The following NAALADL2 variants were observed in gnomAD, a reference collection of about 807,000 sequenced individuals.
NAALADL2 encodes the protein inactive N-acetylated-alpha-linked acidic dipeptidase-like protein 2.
A neutral mutation model predicts 87.2 loss-of-function variants in NAALADL2; 76 were observed. That is an observed-to-expected ratio of 0.87 (90% CI 0.72 to 1.05). The LOEUF is 1.05. Ranked by LOEUF, NAALADL2 falls within the 50% of genes least tolerant of loss-of-function variation. NAALADL2 has a pLI of 0.00. For missense variants in NAALADL2, 1,089 were observed against 945.8 expected (o/e 1.15, Z -1.99); for synonymous variants, 354 against 331.0 (o/e 1.07, Z -0.75).
chr3:174,838,121 A>G (rs900193314), intron 3 of NAALADL2, among the ~76,000 whole-genome samples: 1 of 152,110 alleles, frequency 6.6e-6, no homozygotes, highest in Non-Finnish European at 1.5e-5. Flanking sequence ...AGAATCCAAC[A>G]ACGTATCAAA....
intron 3 of NAALADL2, among the ~76,000 whole-genome samples, chr3:174,752,613 T>A (rs539551663): frequency 6.6e-6 from 1 of 152,194 alleles, no homozygotes; most frequent in Non-Finnish European, 1.5e-5. Flanking sequence ...ATAACCAGCT[T>A]TCAGTTTTCT....
chr3:175,202,085 A>G (rs1202849346), intron 2 of NAALADL2, among the ~76,000 whole-genome samples: 1 of 152,140 alleles, frequency 6.6e-6, no homozygotes, highest in East Asian at 1.9e-4. Flanking sequence ...AGGCACAGAC[A>G]CTTAACAGTC....
chr3:175,591,424 G>A (rs1466309843), intron 10 of NAALADL2, among the ~76,000 whole-genome samples: 1 of 151,774 alleles, frequency 6.6e-6, no homozygotes, highest in Admixed American at 6.6e-5. Context: ...AGGAACAAAT[G>A]TGGTTTGTTA....
chr3:175,689,596 C>G (rs191067717), intron 11 of NAALADL2, among the ~76,000 whole-genome samples: 2 of 152,236 alleles, frequency 1.3e-5, no homozygotes, highest in Non-Finnish European at 1.5e-5. Context: ...AGTAGTATTC[C>G]TCCTCAGCCA....
intron 1 of NAALADL2, among the ~76,000 whole-genome samples, chr3:175,010,122 A>C (rs1749586054): frequency 6.6e-6 from 1 of 151,812 alleles, no homozygotes; most frequent in African/African-American, 2.4e-5. Context: ...ACAAAATATT[A>C]TTATAATCTA....
At chr3:174,456,437 C>CAAAAA (rs1715841087) in intron 1 of NAALADL2, among the ~76,000 whole-genome samples, 1 of 103,472 alleles carries the variant, frequency 9.7e-6, no homozygotes, top group East Asian at 3.9e-4. Flanking sequence ...AAAAAAAAAT[C>CAAAAA]AGGAAGCATC....
At chr3:174,797,298 CTTTTTTCTTTTTTTTTTT>C (rs1399307603) in intron 3 of NAALADL2, among the ~76,000 whole-genome samples, 3 of 97,728 alleles carry the variant, frequency 3.1e-5, no homozygotes, top group Admixed American at 1.0e-4. Flanking sequence ...TTTTGTTTTT[CTTTTTTCTTTTTTTTTTT>C]TTTTTTTTTT....
intron 6 of NAALADL2, among the ~76,000 whole-genome samples, chr3:175,448,119 A>G (rs562318744): frequency 1.2e-4 from 18 of 152,368 alleles, no homozygotes; most frequent in Non-Finnish European, 2.5e-4. Context: ...CATACAAAAA[A>G]GAAAATATGT....
intron 3 of NAALADL2, among the ~76,000 whole-genome samples, chr3:175,240,625 CAG>C (rs1240474185): frequency 1.3e-5 from 2 of 152,098 alleles, no homozygotes; most frequent in African/African-American, 4.8e-5. Context: ...CTCACCAACA[CAG>C]AAATGTGAAC....
intron 5 of NAALADL2, among the ~76,000 whole-genome samples, chr3:175,427,606 G>T (rs559187016): frequency 6.6e-6 from 1 of 152,242 alleles, no homozygotes; most frequent in South Asian, 2.1e-4. Context: ...AATTTAGTTG[G>T]AATTCATAAC....
At chr3:174,674,117 G>T (rs9833824) in intron 2 of NAALADL2, among the ~76,000 whole-genome samples, 6,346 of 152,012 alleles carry the variant, frequency 0.042, 474 homozygotes, top group African/African-American at 0.14. Context: ...TTAACTCATA[G>T]TGGAAGGAGA....
chr3:174,629,032 G>C (rs60660228), intron 2 of NAALADL2, among the ~76,000 whole-genome samples: 14 of 152,106 alleles, frequency 9.2e-5, no homozygotes, highest in Non-Finnish European at 1.5e-4. Context: ...GTTTAGTCCT[G>C]CTAAATAAAA....
At chr3:175,285,251 G>C (rs1754839391) in intron 4 of NAALADL2, among the ~76,000 whole-genome samples, 1 of 152,000 alleles carries the variant, frequency 6.6e-6, no homozygotes, top group South Asian at 2.1e-4. Context: ...CAGAAATATT[G>C]GTTACTTGTT....
At chr3:175,428,553 C>G (rs1717213893) in intron 5 of NAALADL2, among the ~76,000 whole-genome samples, 1 of 152,040 alleles carries the variant, frequency 6.6e-6, no homozygotes, top group African/African-American at 2.4e-5. Flanking sequence ...TTTCCTGGCA[C>G]TCTCAATCTA....
intron 2 of NAALADL2, among the ~76,000 whole-genome samples, chr3:175,174,795 ATG>A (rs767210969): frequency 2.0e-4 from 26 of 131,274 alleles, no homozygotes; most frequent in African/African-American, 4.5e-4. Flanking sequence ...GTGTATATAT[ATG>A]TGTGTGTGTG....
intron 3 of NAALADL2, among the ~76,000 whole-genome samples, chr3:174,751,610 C>A (rs1233821339): frequency 6.8e-6 from 1 of 147,312 alleles, no homozygotes; most frequent in Non-Finnish European, 1.5e-5. Flanking sequence ...TTGCAGTGAG[C>A]CGAGATCGTG....
chr3:175,800,808 T>G (rs552134591), intron 13 of NAALADL2, among the ~76,000 whole-genome samples: 1 of 152,284 alleles, frequency 6.6e-6, no homozygotes, highest in African/African-American at 2.4e-5. Flanking sequence ...AGAAGTAACA[T>G]GTTCTTCACT....
intron 13 of NAALADL2, among the ~76,000 whole-genome samples, chr3:175,780,111 A>G (rs1750824077): frequency 6.7e-6 from 1 of 148,224 alleles, no homozygotes; most frequent in African/African-American, 2.6e-5. Flanking sequence ...TACTAAAAAT[A>G]CAAAAAAAAA....
In NAALADL2 at chr3:175,095,368, A is replaced by G. The variant is rs181035352; in HGVS notation, c.44-1422A>G. ...TGTCTCTCTGATTTGATGGGTCGCT[A>G]TTTGTGGAATAAGGTCCTATTTATT... On this transcript the variant is annotated intron_variant, in intron 1 of 13. Transcript: ENST00000454872. 5.1e-4 allele frequency among the ~76,000 whole-genome samples: 77 copies of G among 151,960 alleles called. 1 individual carries two copies. The highest frequency in any genetic ancestry group is 1.8e-3 in the African/African-American group (75 of 41,466).
Sources: allele counts gnomAD v4.1 joint callset (sites outside exome capture counted in the v4.1 genomes callset), GRCh38; gene constraint gnomAD v4.1.1; transcripts MANE v1.5; gene names NCBI Gene and HGNC (gene_info 2026-07-23, HGNC 2026-07-21).